The following ANPEP variants were observed in gnomAD, a reference collection of about 807,000 sequenced individuals.
ANPEP encodes the protein aminopeptidase N.
In ANPEP, 70 loss-of-function variants were observed where a neutral mutation model predicts 114.6. That is an observed-to-expected ratio of 0.61 (90% CI 0.50 to 0.75). ANPEP has a LOEUF of 0.75. Ranked by LOEUF, ANPEP falls within the 30% of genes least tolerant of loss-of-function variation. ANPEP has a pLI of 0.00. For missense variants in ANPEP, 1,184 were observed against 1,259.5 expected (o/e 0.94, Z 0.91); for synonymous variants, 548 against 522.3 (o/e 1.05, Z -0.67).
chr15:89,797,569 C>T lies in ANPEP; in HGVS notation c.2157+6G>A, dbSNP rs1278626498. Reference sequence around the variant, plus strand: ...GGTTCTTGAACCCTACCATGCACCTCCGTACCTTCATGGGGCCATAGACCT... The same window carrying T: ...GGTTCTTGAACCCTACCATGCACCTTCGTACCTTCATGGGGCCATAGACCT... On this transcript the variant is annotated splice_donor_region_variant and intron_variant, in intron 15 of 20. Transcript: ENST00000300060. 5.0e-6 allele frequency: 8 copies of T among 1,612,174 alleles called. No homozygotes were observed. The South Asian group carries it at 8.8e-5, about 18-fold the overall frequency.
intron 16 of ANPEP, 46 bp from the exon 17 acceptor site, chr15:89,792,608 C>T (rs1968653627): frequency 3.3e-6 from 5 of 1,524,618 alleles, no homozygotes; most frequent in Admixed American, 1.7e-5. Flanking sequence ...CGAACTCCAG[C>T]CAAGATTCAC....
In ANPEP at chr15:89,806,048, T is replaced by A. The variant is rs147870602; in HGVS notation, c.536A>T (p.Asp179Val). ...TGCCAACTCCCCCTCGAACTCGCTG[T>A]CCATCTCATACTGGCTGTCCTTCAC... Reference protein sequence around the residue: ...SLVKDSQYEMDSEFEGELADD... With the variant: ...SLVKDSQYEMVSEFEGELADD... Residue 179 changes from aspartate (D) to valine (V), a missense_variant, in exon 2 of 21, where the codon GAC becomes GTC. By Grantham distance (152) the Asp-to-Val change is radical. Transcript: ENST00000300060. The surrounding 1 kb of genome is among the most constrained non-coding windows in gnomAD (Gnocchi z 5.7). 21 of 1,613,402 alleles carry A rather than the reference T, an allele frequency of 1.3e-5. No homozygotes were observed. Among genetic ancestry groups the A allele is most frequent in the Non-Finnish European group, 1.7e-5 (20 of 1,179,386 alleles).
Position 89,797,736 on chromosome 15 carries a change from G to C in ANPEP, c.2010-14C>G. On this transcript the variant is annotated splice_polypyrimidine_tract_variant and intron_variant, in intron 14 of 20. Transcript: ENST00000300060. ...ACCTTATGGGCACTGGGAATAAACA[G>C]AGGGGCCCAAGTAAAGCACCTCCAC... 1 of 1,613,860 alleles carries C rather than the reference G, an allele frequency of 6.2e-7. No homozygotes were observed. The highest frequency in any genetic ancestry group is 8.5e-7 in the Non-Finnish European group (1 of 1,179,906).
chr15:89,795,091 G>GAA (rs57368902), intron 15 of ANPEP, among the ~76,000 whole-genome samples: 11 of 130,338 alleles, frequency 8.4e-5, no homozygotes, highest in Admixed American at 2.4e-4. Flanking sequence ...CGAGTCAATG[G>GAA]AAAAAAAAAA....
chr15:89,811,684 G>A (rs1219227070), intron 1 of ANPEP, among the ~76,000 whole-genome samples: 2 of 150,678 alleles, frequency 1.3e-5, no homozygotes, highest in African/African-American at 4.9e-5. Context: ...AGAAAAAATT[G>A]TTCCTCTAGG....
chr15:89,804,238 G>A lies in ANPEP; in HGVS notation c.1179+15C>T, dbSNP rs201732034. 3.3e-4 allele frequency: 539 copies of A among 1,613,960 alleles called. No individual in the cohort carries two copies. The highest frequency in any genetic ancestry group is 4.2e-4 in the Non-Finnish European group (499 of 1,179,880). On this transcript the variant is annotated intron_variant, in intron 6 of 20. Transcript: ENST00000300060. ...CCCTGTTTCCTTCTCCGCACTCCCC[G>A]AGATGGGGGTCTACCTGGTGGGCCA...
In ANPEP at chr15:89,803,569, C is replaced by CA. The variant is rs1370400899; in HGVS notation, c.1438-63dup. ...CAGAGCCACCAGGACCCTGTGCCCC[C>CA]AGACCCTGCCTTCAGTGAGGCCCCT... is the stretch of plus-strand genomic sequence containing the variant. On this transcript the variant is annotated intron_variant, in intron 8 of 20. Coordinates refer to ENST00000300060, the MANE Select transcript of ANPEP (RefSeq NM_001150.3). This position sits in a 1 kb window ranked among gnomAD's most constrained non-coding sequence, Gnocchi z 4.2. The CA allele has an allele frequency of 6.2e-7, 1 of 1,601,304 alleles. No individual in the cohort carries two copies. Among genetic ancestry groups the CA allele is most frequent in the Non-Finnish European group, 8.5e-7 (1 of 1,175,072 alleles).
chr15:89,793,272 C>A, intron 15 of ANPEP, 146 bp from the exon 16 acceptor site: 1 of 627,238 alleles, frequency 1.6e-6, no homozygotes, highest in Non-Finnish European at 2.8e-6. Context: ...CTCAAAGGGG[C>A]CCATAGAAGT....
chr15:89,792,313 A>G lies in ANPEP; in HGVS notation c.2375T>C (p.Leu792Pro), dbSNP rs1329210757. The change falls in exon 18 of 21, where the codon CTG (leucine) becomes CCG (proline). Residue 792 changes from leucine (L) to proline (P), a missense_variant. Leu to Pro is a moderately conservative substitution (Grantham distance 98, BLOSUM62 -3). Transcript: ENST00000300060. Reference protein sequence around the residue: ...NPNNNPIHPNLRSTVYCNAIA... With the variant: ...NPNNNPIHPNPRSTVYCNAIA... Reference sequence around the variant, plus strand: ...AGCGTTGCAGTAGACGGTGGACCGCAGGTTGGGGTGGATCCTGGTGTGGGG... The same window carrying G: ...AGCGTTGCAGTAGACGGTGGACCGCGGGTTGGGGTGGATCCTGGTGTGGGG... The G allele has an allele frequency of 6.2e-7, 1 of 1,614,042 alleles. No individual in the cohort carries two copies. Among genetic ancestry groups the G allele is most frequent in the Admixed American group, 1.7e-5 (1 of 60,010 alleles).
chr15:89,804,152 C>T, intron 6 of ANPEP, 101 bp downstream of exon 6: 1 of 1,574,562 alleles, frequency 6.4e-7, no homozygotes, highest in Non-Finnish European at 8.7e-7. Context: ...CCAGGCGGCA[C>T]CCTCCTCCCT....
intron 1 of ANPEP, among the ~76,000 whole-genome samples, chr15:89,813,146 C>T (rs370158044): frequency 5.3e-5 from 8 of 152,116 alleles, no homozygotes; most frequent in Non-Finnish European, 8.8e-5. Context: ...CCTCGGTGTG[C>T]GGCTGACACA....
chr15:89,811,382 C>A (rs4932249), intron 1 of ANPEP, among the ~76,000 whole-genome samples: 18,178 of 152,052 alleles, frequency 0.12, 1,792 homozygotes, highest in East Asian at 0.57. Context: ...CGTGTTGGCT[C>A]ATGCTTGTAA....
rs568810881 is a variant in ANPEP, at chr15:89,801,580, G to A, written c.1597C>T (p.Pro533Ser). 5 of 1,614,032 alleles carry A rather than the reference G, an allele frequency of 3.1e-6. No homozygotes were observed. In the South Asian group the frequency reaches 5.5e-5, roughly 18 times the overall value. ...TTCATGATGTCCCGCACGGTGGTGG[G>A]GAGTTGGATGGACCGGTTGTTCACA... ...EAVNNRSIQLPTTVRDIMNRW... is the reference protein window; with the variant it reads ...EAVNNRSIQLSTTVRDIMNRW... The change falls in exon 11 of 21, where the codon CCC (proline) becomes TCC (serine). Residue 533 changes from proline to serine, a missense_variant. By Grantham distance (74) the Pro-to-Ser change is moderately conservative. Transcript: ENST00000300060.
chr15:89,806,674 C>G lies in ANPEP; in HGVS notation c.-91G>C. On this transcript the variant is annotated 5_prime_UTR_variant, in exon 2 of 21. Coordinates refer to ENST00000300060, the MANE Select transcript of ANPEP (RefSeq NM_001150.3). This position sits in a 1 kb window ranked among gnomAD's most constrained non-coding sequence, Gnocchi z 5.7. ...GGCTTATATCCCCAAAGGGGAGGAG[C>G]CCCACAACAGGCAGACTGGGCAAAA... 2.8e-6 allele frequency: 4 copies of G among 1,451,746 alleles called. No individual in the cohort carries two copies. The South Asian group carries it at 5.9e-5, about 21-fold the overall frequency. The allele number at this position is 1,451,746 out of a possible 1,614,324, so 89.9% of individuals were successfully genotyped here.
At chr15:89,801,761 C>T (rs1041550069) in intron 10 of ANPEP, among the ~76,000 whole-genome samples, 154 bp from the exon 11 acceptor site, 5 of 152,204 alleles carry the variant, frequency 3.3e-5, no homozygotes, top group Admixed American at 2.0e-4. Context: ...GCCAGGGTAC[C>T]GTCCAGCTCT....
chr15:89,809,622 A>T (rs949903558), intron 1 of ANPEP, among the ~76,000 whole-genome samples: 1 of 152,134 alleles, frequency 6.6e-6, no homozygotes, highest in Non-Finnish European at 1.5e-5. Flanking sequence ...GTCCCCTGCC[A>T]CAGCCCAGGC....
chr15:89,794,588 T>C (rs1330422403), intron 15 of ANPEP, among the ~76,000 whole-genome samples: 1 of 152,142 alleles, frequency 6.6e-6, no homozygotes, highest in African/African-American at 2.4e-5. Flanking sequence ...AGTCAAAGTC[T>C]ACAGAAGGAG....
rs187630674 is a variant in ANPEP at position 89,792,022 on chromosome 15, G to T, written c.2528+138C>A. On this transcript the variant is annotated intron_variant, in intron 18 of 20. Transcript: ENST00000300060. ...CTTATTAAAGCTTCCAGTCTGCACCGGTTACTTTGGAAATACTGCCTCCAC... is the reference window on the plus strand; with the variant it reads ...CTTATTAAAGCTTCCAGTCTGCACCTGTTACTTTGGAAATACTGCCTCCAC... The T allele has an allele frequency of 9.2e-4, 948 of 1,034,198 alleles. 13 individuals carry two copies. The highest frequency in any genetic ancestry group is 6.6e-5 in the Non-Finnish European group (48 of 726,876). 64.1% of individuals were successfully genotyped at this position (1,034,198 alleles called of 1,614,324 possible). A position where few individuals can be genotyped will look rare whatever the true frequency, so the allele number is the denominator to read the frequency against.
Position 89,799,578 on chromosome 15 carries a change from C to T in ANPEP, c.1820-19G>A. On this transcript the variant is annotated intron_variant, in intron 12 of 20. Coordinates refer to ENST00000300060, the MANE Select transcript of ANPEP (RefSeq NM_001150.3). This position sits in a 1 kb window ranked among gnomAD's most constrained non-coding sequence, Gnocchi z 4.2. ...TTCTGGGCTGTGGAGAGGGACGAGA[C>T]CTGGGCAGGGCTGCTCAGAGGCCAT... 1 of 1,614,088 alleles carries T rather than the reference C, an allele frequency of 6.2e-7. No individual in the cohort carries two copies. The highest frequency in any genetic ancestry group is 8.5e-7 in the Non-Finnish European group (1 of 1,180,010).
Sources: gnomAD v4.1 joint callset for allele counts (sites outside exome capture counted in the v4.1 genomes callset) on GRCh38, gnomAD v4.1.1 for gene constraint, Gnocchi (gnomAD v3.1) non-coding constraint, MANE v1.5 for transcripts, NCBI Gene and HGNC (gene_info 2026-07-23, HGNC 2026-07-21) for gene names.